Variants in WDR37 observed in about 807,000 individuals in gnomAD.
WDR37 encodes WD repeat-containing protein 37.
WDR37 carries 19 observed loss-of-function variants against 62.9 expected under a neutral mutation model. The observed-to-expected ratio is 0.30, with a 90% CI of 0.21 to 0.44. WDR37 has a LOEUF of 0.44. Among genes scored for constraint, WDR37 ranks in the 20% least tolerant of loss-of-function variants. The pLI, the probability that WDR37 is intolerant of heterozygous loss-of-function variation, is 1.00. For missense variants in WDR37, 474 were observed against 657.6 expected (o/e 0.72, Z 3.05); for synonymous variants, 250 against 260.9 (o/e 0.96, Z 0.40).
chr10:1,068,861 G>T (rs1833635382), intron 1 of WDR37, among the ~76,000 whole-genome samples: 1 of 152,320 alleles, frequency 6.6e-6, no homozygotes, highest in Non-Finnish European at 1.5e-5. Flanking sequence ...GGCAATAAAA[G>T]GGAATACATT....
chr10:1,086,173 G>T, intron 6 of WDR37, 113 bp from the exon 7 acceptor site: 1 of 769,970 alleles, frequency 1.3e-6, no homozygotes, highest in South Asian at 1.6e-5. Flanking sequence ...AGGTGGAAGA[G>T]ATATCAGTGG....
intron 11 of WDR37, among the ~76,000 whole-genome samples, chr10:1,122,372 A>G (rs1057452125): frequency 6.6e-6 from 1 of 152,142 alleles, no homozygotes; most frequent in Non-Finnish European, 1.5e-5. Flanking sequence ...GAGTGACCCC[A>G]GTTTTTGTGC....
In WDR37 at chr10:1,105,220, C is replaced by T; in HGVS notation, c.1056C>T (p.Phe352=). 1 of 1,614,120 alleles carries T rather than the reference C, an allele frequency of 6.2e-7. No homozygotes were observed. The highest frequency in any genetic ancestry group is 8.5e-7 in the Non-Finnish European group (1 of 1,180,006). The stretch of plus-strand genomic sequence containing the variant: ...ACACGACTTTCCGCCTCTGGGATTT[C>T]AGGGACCCCTCCATCCACTCGGTGA... ...SRDTTFRLWD[F]RDPSIHSVNV... is the part of the protein sequence containing the mutation. Residue 352 remains phenylalanine, a synonymous_variant, in exon 11 of 14, where the codon TTC becomes TTT. Transcript: ENST00000263150. This position sits in a 1 kb window ranked among gnomAD's most constrained non-coding sequence, Gnocchi z 5.3.
At chr10:1,124,549 G>C (rs1367721844) in intron 12 of WDR37, among the ~76,000 whole-genome samples, 197 bp downstream of exon 12, 1 of 152,148 alleles carries the variant, frequency 6.6e-6, no homozygotes, top group Non-Finnish European at 1.5e-5. Context: ...GGATCAGTGA[G>C]ATTTGTGAGA....
At position 1,077,991 on chromosome 10, in the gene WDR37, G is replaced by A; in HGVS notation, c.223G>A (p.Glu75Lys). ...IEREFENLYI[E>K]NLELRREIDT... ...AAGAGAATTTGAAAACCTTTATATC[G>A]AAAACTTAGAATGTGAGTATCTCCT... Residue 75 changes from glutamate to lysine, a missense_variant, in exon 3 of 14, where the codon GAA becomes AAA. Glu to Lys is a moderately conservative substitution (Grantham distance 56). Coordinates refer to ENST00000263150, the MANE Select transcript of WDR37 (RefSeq NM_014023.4). 2 of 1,607,244 alleles carry A rather than the reference G, an allele frequency of 1.2e-6. No individual in the cohort carries two copies. The highest frequency in any genetic ancestry group is 8.5e-7 in the Non-Finnish European group (1 of 1,176,004).
At chr10:1,081,734 T>A (rs1410873869) in intron 5 of WDR37, among the ~76,000 whole-genome samples, 1 of 152,216 alleles carries the variant, frequency 6.6e-6, no homozygotes, top group Non-Finnish European at 1.5e-5. Flanking sequence ...TTCTTCATAA[T>A]GAAGTGTGAA....
intron 11 of WDR37, among the ~76,000 whole-genome samples, chr10:1,119,133 T>TA (rs1474162491): frequency 6.6e-6 from 1 of 152,174 alleles, no homozygotes; most frequent in Non-Finnish European, 1.5e-5. Context: ...ATTTGGAAAA[T>TA]ACGTCTGTAC....
Position 1,121,396 on chromosome 10 carries a change from G to A in WDR37, c.1104-2822G>A, listed in dbSNP as rs1435621040. Among the ~76,000 whole-genome samples the A allele has an allele frequency of 6.6e-6, 1 of 152,130 alleles. No individual in the cohort carries two copies. The highest frequency in any genetic ancestry group is 1.5e-5 in the Non-Finnish European group (1 of 68,036). On this transcript the variant is annotated intron_variant, in intron 11 of 13. Coordinates refer to ENST00000263150, the MANE Select transcript of WDR37 (RefSeq NM_014023.4). The surrounding 1 kb of genome is among the most constrained non-coding windows in gnomAD (Gnocchi z 4.5). ...TCCCCCAGCAGCCGAAGTCCTCTAAGCCTCATTGTAACCTTCTCACTGAAG... is the reference window on the plus strand; with the variant it reads ...TCCCCCAGCAGCCGAAGTCCTCTAAACCTCATTGTAACCTTCTCACTGAAG...
At chr10:1,070,673 A>G (rs1439789036) in intron 1 of WDR37, among the ~76,000 whole-genome samples, 2 of 152,224 alleles carry the variant, frequency 1.3e-5, no homozygotes, top group African/African-American at 4.8e-5. Flanking sequence ...TGAATAGGAA[A>G]GATCTTGTTT....
intron 11 of WDR37, among the ~76,000 whole-genome samples, chr10:1,112,838 G>A (rs1050074416): frequency 4.6e-5 from 7 of 152,234 alleles, no homozygotes; most frequent in Admixed American, 3.9e-4. Flanking sequence ...AGCTGGCAGA[G>A]GTTGGTTTAT....
intron 1 of WDR37, among the ~76,000 whole-genome samples, chr10:1,060,103 G>A (rs977983376): frequency 5.3e-5 from 8 of 152,214 alleles, no homozygotes; most frequent in Non-Finnish European, 1.0e-4. Flanking sequence ...CCTCCCAAAA[G>A]GCTGGGATTA....
intron 13 of WDR37, 121 bp downstream of exon 13, chr10:1,125,145 C>T (rs1835699279): frequency 6.9e-7 from 1 of 1,454,490 alleles, no homozygotes; most frequent in East Asian, 2.5e-5. Flanking sequence ...AATGCTTGAG[C>T]TGTATTTAGA....
chr10:1,059,101 C>T (rs1165738232), intron 1 of WDR37, among the ~76,000 whole-genome samples: 2 of 152,132 alleles, frequency 1.3e-5, no homozygotes, highest in Non-Finnish European at 2.9e-5. Context: ...GTTGGCAGGG[C>T]GTGGTGGCTC....
chr10:1,083,884 T>A (rs546624966), intron 5 of WDR37, among the ~76,000 whole-genome samples: 1 of 152,276 alleles, frequency 6.6e-6, no homozygotes, highest in Non-Finnish European at 1.5e-5. Context: ...GTCTTTTGAT[T>A]CCTCCCCACC....
intron 1 of WDR37, among the ~76,000 whole-genome samples, chr10:1,069,634 G>T (rs1295005855): frequency 6.6e-6 from 1 of 151,820 alleles, no homozygotes; most frequent in Non-Finnish European, 1.5e-5. Flanking sequence ...TGGTTATCAG[G>T]AGTTGAGGGA....
intron 13 of WDR37, among the ~76,000 whole-genome samples, chr10:1,126,196 G>A (rs1174575848): frequency 6.6e-6 from 1 of 152,130 alleles, no homozygotes; most frequent in East Asian, 1.9e-4. Context: ...ACGAGGTCAG[G>A]AGATCGAGAC....
chr10:1,125,030 A>G lies in WDR37; in HGVS notation c.1353+6A>G. ...TTCCCCGGAGCAGCCGACAGGTAAC[A>G]GCACGGTCGGTGAACATATGCAGGG... On this transcript the variant is annotated splice_donor_region_variant and intron_variant, in intron 13 of 13. Coordinates refer to ENST00000263150, the MANE Select transcript of WDR37 (RefSeq NM_014023.4). 1 of 1,614,204 alleles carries G rather than the reference A, an allele frequency of 6.2e-7. No individual in the cohort carries two copies. The highest frequency in any genetic ancestry group is 1.3e-5 in the African/African-American group (1 of 75,054).
chr10:1,100,844 C>T (rs978572208), intron 9 of WDR37, among the ~76,000 whole-genome samples: 10 of 152,340 alleles, frequency 6.6e-5, no homozygotes, highest in African/African-American at 1.2e-4. Context: ...TTCAAGGTGA[C>T]GTACCGAGTA....
intron 5 of WDR37, among the ~76,000 whole-genome samples, chr10:1,081,101 T>C (rs1834014199): frequency 6.6e-6 from 1 of 152,206 alleles, no homozygotes; most frequent in Non-Finnish European, 1.5e-5. Context: ...TAGTGAAAAT[T>C]ATGTTCTGAG....
Sources: allele counts gnomAD v4.1 joint callset (sites outside exome capture counted in the v4.1 genomes callset), GRCh38; gene constraint gnomAD v4.1.1; non-coding constraint Gnocchi (gnomAD v3.1); transcripts MANE v1.5; gene names NCBI Gene and HGNC (gene_info 2026-07-23, HGNC 2026-07-21).